The following ADAMTSL1 variants were observed in gnomAD, a reference collection of about 807,000 sequenced individuals.
ADAMTSL1 encodes ADAMTS like 1.
A neutral mutation model predicts 201.8 loss-of-function variants in ADAMTSL1; 126 were observed. That is an observed-to-expected ratio of 0.62 (90% CI 0.54 to 0.72). ADAMTSL1 has a LOEUF of 0.72. ADAMTSL1 is among the 30% of genes least tolerant of loss of function. ADAMTSL1 has a pLI of 0.00. For synonymous variants in ADAMTSL1, 1,121 were observed against 903.4 expected (o/e 1.24, Z -4.32); for missense variants, 2,679 against 2,277.8 (o/e 1.18, Z -3.59).
chr9:18,223,368 T>G (rs1830333082), intron 2 of ADAMTSL1, among the ~76,000 whole-genome samples: 1 of 152,140 alleles, frequency 6.6e-6, no homozygotes, highest in Admixed American at 6.5e-5. Flanking sequence ...TCCAAGAATT[T>G]CATATATGAG....
chr9:18,083,974 A>G (rs1448302520), intron 1 of ADAMTSL1, among the ~76,000 whole-genome samples: 3 of 152,200 alleles, frequency 2.0e-5, no homozygotes, highest in African/African-American at 7.2e-5. Context: ...AAGATGAAAT[A>G]AAGCATCCTG....
intron 2 of ADAMTSL1, among the ~76,000 whole-genome samples, chr9:18,286,394 G>C (rs1832994161): frequency 6.6e-6 from 1 of 151,946 alleles, no homozygotes; most frequent in East Asian, 1.9e-4. Context: ...ACTTTTTGTT[G>C]GCTCCTTTCT....
At chr9:18,564,574 C>G (rs929905029) in intron 3 of ADAMTSL1, among the ~76,000 whole-genome samples, 1 of 152,202 alleles carries the variant, frequency 6.6e-6, no homozygotes, top group Non-Finnish European at 1.5e-5. Flanking sequence ...CTATACTAGT[C>G]CTTTTCACAA....
chr9:18,022,609 T>A (rs1820525522), intron 1 of ADAMTSL1, among the ~76,000 whole-genome samples: 1 of 152,132 alleles, frequency 6.6e-6, no homozygotes, highest in South Asian at 2.1e-4. Context: ...GATTTTTATG[T>A]GTGTACAAGG....
At position 18,906,709 on chromosome 9, in the gene ADAMTSL1, A is replaced by G; in HGVS notation, c.4979A>G (p.Asn1660Ser). 1.9e-6 allele frequency: 3 copies of G among 1,603,304 alleles called. No homozygotes were observed. The highest frequency in any genetic ancestry group is 2.6e-6 in the Non-Finnish European group (3 of 1,174,376). ...SALPRPVSTQ[N>S]CWSEACSVHW... ...TCCTGCAGGCCTGTGAGCACCCAGAACTGCTGGTCAGAGGCCTGCAGTGTA... is the reference window on the plus strand; with the variant it reads ...TCCTGCAGGCCTGTGAGCACCCAGAGCTGCTGGTCAGAGGCCTGCAGTGTA... The change falls in exon 28 of 29, where the codon AAC becomes AGC. Residue 1660 changes from asparagine (N) to serine (S), a missense_variant. Transcript: ENST00000380548.
intron 1 of ADAMTSL1, among the ~76,000 whole-genome samples, chr9:17,971,392 G>A (rs1013181506): frequency 1.3e-5 from 2 of 151,978 alleles, no homozygotes; most frequent in Non-Finnish European, 2.9e-5. Context: ...TAGTCTCCAA[G>A]TGCCTAAAAA....
intron 1 of ADAMTSL1, among the ~76,000 whole-genome samples, chr9:18,072,249 G>A (rs1823002757): frequency 6.6e-6 from 1 of 152,118 alleles, no homozygotes; most frequent in South Asian, 2.1e-4. Flanking sequence ...TGATTTTTAG[G>A]CTTCTTACCA....
chr9:18,715,957 G>C (rs1832901099), intron 14 of ADAMTSL1, among the ~76,000 whole-genome samples: 1 of 151,202 alleles, frequency 6.6e-6, no homozygotes. Context: ...TCTGATCTTT[G>C]AAAAACCTGA....
intron 19 of ADAMTSL1, among the ~76,000 whole-genome samples, chr9:18,785,429 T>G (rs1207697162): frequency 6.6e-6 from 1 of 152,258 alleles, no homozygotes; most frequent in Non-Finnish European, 1.5e-5. Context: ...TACCTTTATA[T>G]ATACACATGT....
At chr9:18,294,860 G>C (rs1312160073) in intron 2 of ADAMTSL1, among the ~76,000 whole-genome samples, 1 of 152,218 alleles carries the variant, frequency 6.6e-6, no homozygotes, top group Non-Finnish European at 1.5e-5. Context: ...ATAAGAGTCA[G>C]AGGAAGGCCT....
chr9:18,579,737 T>C (rs2132402959), intron 4 of ADAMTSL1, among the ~76,000 whole-genome samples: 1 of 152,326 alleles, frequency 6.6e-6, no homozygotes, highest in East Asian at 1.9e-4. Context: ...TGTACAATTA[T>C]CAACTCCTGA....
chr9:18,327,521 A>G (rs1193518742), intron 2 of ADAMTSL1, among the ~76,000 whole-genome samples: 1 of 152,214 alleles, frequency 6.6e-6, no homozygotes, highest in Non-Finnish European at 1.5e-5. Context: ...GTGCAAGGTA[A>G]CAGTATGTTC....
At chr9:18,324,877 A>G (rs1834767843) in intron 2 of ADAMTSL1, among the ~76,000 whole-genome samples, 1 of 152,222 alleles carries the variant, frequency 6.6e-6, no homozygotes. Context: ...TACAATACAT[A>G]TCTGATGAAA....
intron 1 of ADAMTSL1, among the ~76,000 whole-genome samples, chr9:17,993,148 A>G (rs1168649735): frequency 6.6e-6 from 1 of 152,156 alleles, no homozygotes; most frequent in African/African-American, 2.4e-5. Flanking sequence ...CCTTATGGAA[A>G]GGAAGAAAGA....
chr9:18,905,612 AAACGTATC>A, intron 26 of ADAMTSL1, 162 bp from the exon 27 acceptor site: 1 of 585,822 alleles, frequency 1.7e-6, no homozygotes, highest in Non-Finnish European at 3.1e-6. Context: ...CCCATAAAGA[AAACGTATC>A]AGTGAGTGTC....
Position 18,170,557 on chromosome 9 carries a change from A to G in ADAMTSL1, c.207+6576A>G, listed in dbSNP as rs372302687. ...AAGATATAAAGTTAATTAAGACCAC[A>G]TTATTTACTTGTGTACACGTGAAGC... On this transcript the variant is annotated intron_variant, in intron 2 of 29. Transcript: ENST00000680146. Among the ~76,000 whole-genome samples the G allele has an allele frequency of 3.3e-5, 5 of 152,208 alleles. No individual in the cohort carries two copies. The South Asian group carries it at 8.3e-4, about 25-fold the overall frequency.
intron 2 of ADAMTSL1, among the ~76,000 whole-genome samples, chr9:18,207,956 T>C (rs904089823): frequency 6.6e-5 from 10 of 152,104 alleles, no homozygotes; most frequent in Non-Finnish European, 7.4e-5. Context: ...GTCAGGAGCG[T>C]AGGTTTTGGA....
At chr9:18,584,530 C>G (rs1823352307) in intron 4 of ADAMTSL1, among the ~76,000 whole-genome samples, 1 of 152,204 alleles carries the variant, frequency 6.6e-6, no homozygotes, top group Non-Finnish European at 1.5e-5. Context: ...AAGTTCTCTG[C>G]CACTGTATAA....
At chr9:18,839,943 T>C (rs1395253139) in intron 23 of ADAMTSL1, among the ~76,000 whole-genome samples, 2 of 149,840 alleles carry the variant, frequency 1.3e-5, no homozygotes, top group Non-Finnish European at 3.0e-5. Flanking sequence ...TAGCCCTTTG[T>C]CAGATGAGTA....
Sources: gnomAD v4.1 joint callset for allele counts (sites outside exome capture counted in the v4.1 genomes callset) on GRCh38, gnomAD v4.1.1 for gene constraint, MANE v1.5 for transcripts, NCBI Gene and HGNC (gene_info 2026-07-23, HGNC 2026-07-21) for gene names.